The following OPLAH variants were observed in gnomAD, a reference collection of about 807,000 sequenced individuals.
OPLAH encodes the protein 5-oxoprolinase.
OPLAH carries 103 observed loss-of-function variants against 122.8 expected under a neutral mutation model. That is an observed-to-expected ratio of 0.84 (90% CI 0.71 to 0.99). The LOEUF (loss-of-function observed/expected upper bound fraction) is 0.99. Among genes scored for constraint, OPLAH ranks in the 50% least tolerant of loss-of-function variants. OPLAH has a pLI of 0.00. For missense variants in OPLAH, 1,902 were observed against 1,836.5 expected, an observed-to-expected ratio of 1.04 and a Z score of -0.65; for synonymous variants, 875 against 796.0, an observed-to-expected ratio of 1.10 and a Z score of -1.67.
chr8:144,052,763 A>T lies in OPLAH; in HGVS notation c.3153+3T>A. ...CCCCCCTCGCGCACACACCCCTGCG[A>T]ACCTGGTTGAGTGGGATGTCGCGGC... On this transcript the variant is annotated splice_donor_region_variant and intron_variant, in intron 22 of 26. Transcript: ENST00000618853. 1 of 1,565,572 alleles carries T rather than the reference A, an allele frequency of 6.4e-7. No individual in the cohort carries two copies. The highest frequency in any genetic ancestry group is 8.6e-7 in the Non-Finnish European group (1 of 1,156,398).
In OPLAH at chr8:144,057,326, G is replaced by C. The variant is rs1835545251; in HGVS notation, c.1423-6C>G. 6.2e-7 allele frequency: 1 copy of C among 1,609,462 alleles called. No individual in the cohort carries two copies. Among genetic ancestry groups the C allele is most frequent in the African/African-American group, 1.3e-5 (1 of 74,906 alleles). On this transcript the variant is annotated splice_region_variant and splice_polypyrimidine_tract_variant and intron_variant, in intron 10 of 26. Transcript: ENST00000618853. Reference sequence around the variant, plus strand: ...GAGGGGTCATGGCCTCTTGCCTAGGGAGACAGAAGGGGTCAGTGGGCTCTC... The same window carrying C: ...GAGGGGTCATGGCCTCTTGCCTAGGCAGACAGAAGGGGTCAGTGGGCTCTC...
Position 144,057,679 on chromosome 8 carries a change from G to A in OPLAH, c.1191C>T (p.Val397=). The change falls in exon 10 of 27, where the codon GTC becomes GTT. Residue 397 remains valine, a synonymous_variant. Coordinates refer to ENST00000618853, the MANE Select transcript of OPLAH (RefSeq NM_017570.5). ...GPVTVTDANL[V]LGRLLPASFP... ...AGGAGGCAGGCAGCAGGCGACCCAG[G>A]ACCAGATTAGCATCCGTCACTGTCA... is the stretch of plus-strand genomic sequence containing the variant. 6.2e-7 allele frequency: 1 copy of A among 1,609,112 alleles called. No homozygotes were observed. Among genetic ancestry groups the A allele is most frequent in the Admixed American group, 1.7e-5 (1 of 59,390 alleles).
At chr8:144,059,283 C>T (rs578095999) in intron 3 of OPLAH, among the ~76,000 whole-genome samples, 6 of 152,314 alleles carry the variant, frequency 3.9e-5, no homozygotes, top group Non-Finnish European at 7.4e-5. Flanking sequence ...AACTGCTCCA[C>T]CCCCACGAAG....
chr8:144,061,211 A>G (rs1554760824), upstream of OPLAH, among the ~76,000 whole-genome samples: 2 of 152,208 alleles, frequency 1.3e-5, no homozygotes, highest in African/African-American at 4.8e-5. Context: ...GCTGGCTAAA[A>G]AGAGGCCGAA....
chr8:144,053,469 C>T, intron 19 of OPLAH, 76 bp from the exon 20 acceptor site: 1 of 1,432,200 alleles, frequency 7.0e-7, no homozygotes, highest in Middle Eastern at 2.5e-4. Context: ...CAGATCCAGA[C>T]AAGGTCTCTG....
chr8:144,063,802 C>T (rs573790640), upstream of OPLAH: 174 of 152,552 alleles, frequency 1.1e-3, 2 homozygotes, highest in African/African-American at 2.4e-4. This position sits in a 1 kb window ranked among gnomAD's most constrained non-coding sequence, Gnocchi z 4.2. Flanking sequence ...AGGCTGCTGC[C>T]GCGGTTCCTG....
Position 144,053,121 on chromosome 8 carries a change from A to T in OPLAH, c.2880T>A (p.Ala960=), listed in dbSNP as rs372144482. ...GCAACATGTCTCGCACGGCCAGCTCAGCGTTTGCCTGGCAGGGAGCAGGAT... is the reference window on the plus strand; with the variant it reads ...GCAACATGTCTCGCACGGCCAGCTCTGCGTTTGCCTGGCAGGGAGCAGGAT... ...QAYMGHIQAN[A]ELAVRDMLRA... is the part of the protein sequence containing the mutation. The change falls in exon 21 of 27, where the codon GCT becomes GCA. Residue 960 remains alanine (A), a synonymous_variant. Transcript: ENST00000618853. 1.1e-5 allele frequency: 17 copies of T among 1,606,992 alleles called. No homozygotes were observed. The highest frequency in any genetic ancestry group is 1.4e-5 in the Non-Finnish European group (17 of 1,177,336).
In OPLAH at chr8:144,054,582, C is replaced by A. The variant is rs149290437; in HGVS notation, c.2665G>T (p.Gly889Trp). 6.3e-7 allele frequency: 1 copy of A among 1,596,616 alleles called. No individual in the cohort carries two copies. The highest frequency in any genetic ancestry group is 1.3e-5 in the African/African-American group (1 of 74,702). The change falls in exon 19 of 27, where the codon GGG becomes TGG. Residue 889 changes from glycine to tryptophan, a missense_variant. Around this residue, in one of 3 missense-constraint regions of OPLAH, gnomAD observed 1,726 missense variants for 1,642.1 expected, o/e 1.05. Coordinates refer to ENST00000618853, the MANE Select transcript of OPLAH (RefSeq NM_017570.5). ...TCACCCTCCTCCTGGAAGACGCCCC[C>A]CTGGACAAGTTTGAAGGACAGAAAG... ...AVFLSFKLVQ[G>W]GVFQEEAVTE... is the part of the protein sequence containing the mutation.
At position 144,055,814 on chromosome 8, in the gene OPLAH, A is replaced by C; in HGVS notation, c.2222T>G (p.Phe741Cys). ...AGCAATGCTCATGAAGCGGTGTGAGAAGATGGACAGCTGGATAGGGTCCAG... is the reference window on the plus strand; with the variant it reads ...AGCAATGCTCATGAAGCGGTGTGAGCAGATGGACAGCTGGATAGGGTCCAG... ...PQLDPIQLSI[F>C]SHRFMSIAEQ... Residue 741 changes from phenylalanine to cysteine, a missense_variant, in exon 16 of 27, where the codon TTC (phenylalanine) becomes TGC (cysteine). Phe to Cys is a radical substitution (Grantham distance 205, BLOSUM62 -2). Around this residue, in one of 3 missense-constraint regions of OPLAH, gnomAD observed 1,726 missense variants for 1,642.1 expected, o/e 1.05. Coordinates refer to ENST00000618853, the MANE Select transcript of OPLAH (RefSeq NM_017570.5). This position sits in a 1 kb window ranked among gnomAD's most constrained non-coding sequence, Gnocchi z 6.5. 6.4e-7 allele frequency: 1 copy of C among 1,560,010 alleles called. No individual in the cohort carries two copies. Among genetic ancestry groups the C allele is most frequent in the South Asian group, 1.2e-5 (1 of 84,108 alleles).
upstream of OPLAH, among the ~76,000 whole-genome samples, chr8:144,063,225 C>T (rs1474434673): frequency 2.0e-5 from 3 of 152,152 alleles, no homozygotes; most frequent in Non-Finnish European, 4.4e-5. The surrounding 1 kb of genome is among the most constrained non-coding windows in gnomAD (Gnocchi z 4.2). Flanking sequence ...ACTCCAGCAG[C>T]GGCTCCCCCA....
chr8:144,056,788 AC>A, intron 12 of OPLAH, 33 bp from the exon 13 acceptor site: 2 of 1,581,488 alleles, frequency 1.3e-6, no homozygotes, highest in South Asian at 1.2e-5. Flanking sequence ...CTCACACCAA[AC>A]CCCCTGCCCT....
chr8:144,055,128 G>A lies in OPLAH; in HGVS notation c.2310C>T (p.Asp770=). The A allele has an allele frequency of 6.3e-7, 1 of 1,587,130 alleles. No individual in the cohort carries two copies. The highest frequency in any genetic ancestry group is 1.8e-5 in the Admixed American group (1 of 56,444). Residue 770 remains aspartate, a synonymous_variant, in exon 17 of 27, where the codon GAC becomes GAT. Coordinates refer to ENST00000618853, the MANE Select transcript of OPLAH (RefSeq NM_017570.5). The surrounding 1 kb of genome is among the most constrained non-coding windows in gnomAD (Gnocchi z 6.5). ...CGGGCCCAAAGAGGGCACAGGAGAAGTCCAGACGCTCCTTGATGTTGGTGG... is the reference window on the plus strand; with the variant it reads ...CGGGCCCAAAGAGGGCACAGGAGAAATCCAGACGCTCCTTGATGTTGGTGG... ...AISTNIKERL[D]FSCALFGPDG...
chr8:144,056,324 C>T, intron 14 of OPLAH, 61 bp downstream of exon 14: 1 of 1,596,372 alleles, frequency 6.3e-7, no homozygotes, highest in South Asian at 1.1e-5. Context: ...TCTCACAGGG[C>T]TTGGTCCCCA....
rs566976107 is a variant in OPLAH at position 144,055,980 on chromosome 8, G to C, written c.2097-41C>G. On this transcript the variant is annotated intron_variant, in intron 15 of 26. Coordinates refer to ENST00000618853, the MANE Select transcript of OPLAH (RefSeq NM_017570.5). The surrounding 1 kb of genome is among the most constrained non-coding windows in gnomAD (Gnocchi z 6.5). ...CACAGAGGGCTGCATGGGGCCAGGC[G>C]ACACCCCTCCAACCAGAGATGCCAC... The C allele has an allele frequency of 1.3e-6, 2 of 1,514,520 alleles. No homozygotes were observed. Among genetic ancestry groups the C allele is most frequent in the Non-Finnish European group, 1.8e-6 (2 of 1,127,030 alleles). The allele number at this position is 1,514,520 out of a possible 1,614,324, so 93.8% of individuals were successfully genotyped here.
Position 144,055,879 on chromosome 8 carries a change from G to C in OPLAH, c.2157C>G (p.Ile719Met), listed in dbSNP as rs782081228. 8.2e-6 allele frequency: 13 copies of C among 1,584,902 alleles called. 1 individual carries two copies. The South Asian group carries it at 1.0e-4, about 13-fold the overall frequency. ...TGCCGGGGACTTCGGCCCCCACGGA[G>C]ATGCAGATGTCCCCTGTCTTGGTCA... The part of the protein sequence containing the change: ...AEVTKTGDIC[I>M]SVGAEVPGTV... Residue 719 changes from isoleucine to methionine, a missense_variant, in exon 16 of 27, where the codon ATC becomes ATG. Ile to Met is a conservative substitution (Grantham distance 10). Around this residue, in one of 3 missense-constraint regions of OPLAH, gnomAD observed 1,726 missense variants for 1,642.1 expected, o/e 1.05. Coordinates refer to ENST00000618853, the MANE Select transcript of OPLAH (RefSeq NM_017570.5). This position sits in a 1 kb window ranked among gnomAD's most constrained non-coding sequence, Gnocchi z 6.5.
chr8:144,061,494 C>A (rs976744280), upstream of OPLAH, among the ~76,000 whole-genome samples: 14 of 151,004 alleles, frequency 9.3e-5, no homozygotes, highest in Non-Finnish European at 1.6e-4. Flanking sequence ...CCAGCCCAGG[C>A]GACAGAGCGA....
chr8:144,059,824 C>T, intron 2 of OPLAH, 34 bp from the exon 3 acceptor site: 1 of 1,610,770 alleles, frequency 6.2e-7, no homozygotes, highest in South Asian at 1.1e-5. Context: ...GGGCTTCTGG[C>T]CGTGGGGTCC....
rs781847609 is a variant in OPLAH, at chr8:144,054,665, C to A, written c.2582G>T (p.Gly861Val). The change falls in exon 19 of 27, where the codon GGC becomes GTC. Residue 861 changes from glycine to valine, a missense_variant. This residue lies in a region of OPLAH where 1,726 missense variants were observed against 1,642.1 expected (regional missense o/e 1.05). Coordinates refer to ENST00000618853, the MANE Select transcript of OPLAH (RefSeq NM_017570.5). ...ASRGHHADIGGITPGSMPPHS... is the reference protein window; with the variant it reads ...ASRGHHADIGVITPGSMPPHS... ...GGGGGGCATGGAGCCTGGTGTGATG[C>A]CCCCGATGTCTGCGTGGTGCCCTCG... The A allele has an allele frequency of 4.1e-5, 66 of 1,612,482 alleles. No homozygotes were observed. Among genetic ancestry groups the A allele is most frequent in the Non-Finnish European group, 5.6e-5 (66 of 1,179,776 alleles).
At chr8:144,050,744 G>A (rs2129726065), downstream of OPLAH, 1 of 986,298 alleles carries the variant, frequency 1.0e-6, no homozygotes. Flanking sequence ...GACCTGGGGA[G>A]CGCCGTCGGC....
Sources: allele counts gnomAD v4.1 joint callset (sites outside exome capture counted in the v4.1 genomes callset), GRCh38; gene constraint gnomAD v4.1.1; regional missense constraint gnomAD v4.1.1; non-coding constraint Gnocchi (gnomAD v3.1); transcripts MANE v1.5; gene names NCBI Gene and HGNC (gene_info 2026-07-23, HGNC 2026-07-21).